The following DDX10 variants were observed in gnomAD, a reference collection of about 807,000 sequenced individuals.
DDX10 encodes the protein DEAD-box helicase 10.
In DDX10, 74 loss-of-function variants were observed where a neutral mutation model predicts 104.3. That is an observed-to-expected ratio of 0.71 (90% CI 0.59 to 0.86). The LOEUF (loss-of-function observed/expected upper bound fraction) is 0.86, where lower values mean the gene tolerates loss of function less well. Among genes scored for constraint, DDX10 ranks in the 40% least tolerant of loss-of-function variants. The pLI, the probability that DDX10 is intolerant of heterozygous loss-of-function variation, is 0.00. For missense variants in DDX10, 952 were observed against 1,040.0 expected (o/e 0.92, Z 1.16); for synonymous variants, 351 against 353.4 (o/e 0.99, Z 0.08).
rs748601909 is a variant in DDX10, at chr11:108,723,024, C to A, written c.1527C>A (p.Arg509=). 1 of 1,610,890 alleles carries A rather than the reference C, an allele frequency of 6.2e-7. No individual in the cohort carries two copies. The highest frequency in any genetic ancestry group is 2.2e-5 in the East Asian group (1 of 44,842). The change falls in exon 13 of 18, where the codon CGC becomes CGA. Residue 509 remains arginine (R), a synonymous_variant. Coordinates refer to ENST00000322536, the MANE Select transcript of DDX10 (RefSeq NM_004398.4). ...CTCTTGGTCTTGCTGTGGCACCACG[C>A]GTAAGATTTCTTCAGAAAATGCAGA... The part of the protein sequence containing the change: ...ALSLGLAVAP[R]VRFLQKMQKQ...
chr11:108,797,170 A>G (rs2134553625), intron 13 of DDX10, among the ~76,000 whole-genome samples: 1 of 152,162 alleles, frequency 6.6e-6, no homozygotes, highest in Middle Eastern at 3.4e-3. Flanking sequence ...AGTAGCTGAG[A>G]CTACAGGTGC....
chr11:108,801,921 C>T (rs1862026518), intron 13 of DDX10, among the ~76,000 whole-genome samples: 1 of 151,558 alleles, frequency 6.6e-6, no homozygotes, highest in South Asian at 2.1e-4. Context: ...TATAGAAATT[C>T]TCAACATAGC....
intron 13 of DDX10, among the ~76,000 whole-genome samples, chr11:108,779,165 G>T (rs1296206642): frequency 6.6e-6 from 1 of 152,178 alleles, no homozygotes; most frequent in East Asian, 1.9e-4. Context: ...AATACCATTT[G>T]ACCCAGCCAT....
At chr11:108,895,979 A>C (rs4753852) in intron 16 of DDX10, among the ~76,000 whole-genome samples, 78,635 of 151,796 alleles carry the variant, frequency 0.52, 21,713 homozygotes, top group Non-Finnish European at 0.62. Flanking sequence ...GCAATTCACT[A>C]TTTACCAAGC....
At chr11:108,911,953 C>T (rs934042065) in intron 16 of DDX10, among the ~76,000 whole-genome samples, 2 of 152,092 alleles carry the variant, frequency 1.3e-5, no homozygotes, top group Admixed American at 1.3e-4. Flanking sequence ...AAACTGCTGT[C>T]TTCTTGGTTT....
At chr11:108,733,569 A>C (rs1348943066) in intron 13 of DDX10, among the ~76,000 whole-genome samples, 1 of 152,094 alleles carries the variant, frequency 6.6e-6, no homozygotes, top group African/African-American at 2.4e-5. Flanking sequence ...TCCTTGCCTA[A>C]TGTTGCATAG....
chr11:108,678,083 T>A (rs989973102), intron 4 of DDX10, among the ~76,000 whole-genome samples: 1 of 152,170 alleles, frequency 6.6e-6, no homozygotes, highest in Non-Finnish European at 1.5e-5. Flanking sequence ...CTCAAAATCC[T>A]GGGTATGAAT....
chr11:108,910,736 T>A (rs1268994502), intron 16 of DDX10, among the ~76,000 whole-genome samples: 1 of 1,272 alleles, frequency 7.9e-4, no homozygotes, highest in East Asian at 0.018. Context: ...TGCGTGTGTG[T>A]GTGTGTGTGT....
At chr11:108,883,144 A>G (rs1287399207) in intron 16 of DDX10, among the ~76,000 whole-genome samples, 1 of 152,076 alleles carries the variant, frequency 6.6e-6, no homozygotes, top group Non-Finnish European at 1.5e-5. Flanking sequence ...GAGAGACTTG[A>G]CTGGTGTTAT....
chr11:108,670,959 A>G (rs551340984), intron 1 of DDX10, among the ~76,000 whole-genome samples: 2 of 152,180 alleles, frequency 1.3e-5, no homozygotes, highest in South Asian at 4.2e-4. Context: ...GAGTTGTGAG[A>G]AGTATAAGAG....
At chr11:108,800,854 A>G (rs1862011280) in intron 13 of DDX10, among the ~76,000 whole-genome samples, 1 of 152,172 alleles carries the variant, frequency 6.6e-6, no homozygotes, top group South Asian at 2.1e-4. Flanking sequence ...TGAGTGTTTG[A>G]TCTACAAATG....
At chr11:108,767,752 T>C (rs770614480) in intron 13 of DDX10, among the ~76,000 whole-genome samples, 3 of 152,250 alleles carry the variant, frequency 2.0e-5, no homozygotes, top group African/African-American at 4.8e-5. Flanking sequence ...CCTGGACATA[T>C]ACAGTTGACT....
intron 13 of DDX10, among the ~76,000 whole-genome samples, chr11:108,803,450 C>T (rs961185502): frequency 3.3e-5 from 5 of 151,776 alleles, no homozygotes; most frequent in Middle Eastern, 3.2e-3. Flanking sequence ...AAAAATTAGC[C>T]GAGCGTGATG....
At chr11:108,882,806 A>G (rs1863245265) in intron 16 of DDX10, among the ~76,000 whole-genome samples, 1 of 152,196 alleles carries the variant, frequency 6.6e-6, no homozygotes, top group Admixed American at 6.5e-5. Flanking sequence ...AAGGACATTA[A>G]ACTATACACG....
Position 108,940,578 on chromosome 11 carries a change from T to G in DDX10, c.*155T>G. On this transcript the variant is annotated 3_prime_UTR_variant, in exon 18 of 18. Transcript: ENST00000322536. ...AAGCGATCGTATCTCCAAGTCCCTC[T>G]CACAGGACATGCTTTGTGCCATCAC... 1 of 665,546 alleles carries G rather than the reference T, an allele frequency of 1.5e-6. No individual in the cohort carries two copies. The highest frequency in any genetic ancestry group is 2.8e-5 in the East Asian group (1 of 35,652). The allele number at this position is 665,546 out of a possible 1,614,324, so 41.2% of individuals were successfully genotyped here.
chr11:108,682,297 G>T (rs1459485258), intron 6 of DDX10, among the ~76,000 whole-genome samples: 2 of 152,032 alleles, frequency 1.3e-5, no homozygotes, highest in Non-Finnish European at 2.9e-5. Flanking sequence ...TAAAGACGGG[G>T]TTTCACCATG....
chr11:108,809,273 T>G (rs1280494944), intron 13 of DDX10, among the ~76,000 whole-genome samples: 1 of 152,188 alleles, frequency 6.6e-6, no homozygotes, highest in Non-Finnish European at 1.5e-5. Flanking sequence ...GATGTTAAAA[T>G]GCGAGACATT....
chr11:108,905,312 A>AGGGGGG (rs35966996), intron 16 of DDX10, among the ~76,000 whole-genome samples: 2 of 106,714 alleles, frequency 1.9e-5, no homozygotes, highest in African/African-American at 8.4e-5. Context: ...AGATTGTTTA[A>AGGGGGG]GGGGGGGGGG....
chr11:108,920,933 C>A (rs1565319434), intron 17 of DDX10: 1 of 152,228 alleles, frequency 6.6e-6, no homozygotes, highest in Non-Finnish European at 1.5e-5. Context: ...TTGAGAACAA[C>A]TGGATTAGAC....
Sources: allele counts gnomAD v4.1 joint callset (sites outside exome capture counted in the v4.1 genomes callset), GRCh38; gene constraint gnomAD v4.1.1; transcripts MANE v1.5; gene names NCBI Gene and HGNC (gene_info 2026-07-23, HGNC 2026-07-21).